The following SND1 variants were observed in gnomAD, a reference collection of about 807,000 sequenced individuals.
The protein encoded by SND1 is staphylococcal nuclease domain-containing protein 1.
SND1 carries 38 observed loss-of-function variants against 121.7 expected under a neutral mutation model. The ratio of observed to expected loss-of-function variants is 0.31; its 90% CI spans 0.24 to 0.41. The LOEUF (loss-of-function observed/expected upper bound fraction) is 0.41. Ranked by LOEUF, SND1 falls within the 10% of genes least tolerant of loss-of-function variation. SND1 has a pLI of 1.00. For synonymous variants in SND1, 401 were observed against 447.4 expected (o/e 0.90, Z 1.31); for missense variants, 868 against 1,184.6 (o/e 0.73, Z 3.92).
intron 14 of SND1, among the ~76,000 whole-genome samples, chr7:127,926,899 A>G (rs1800856045): frequency 6.6e-6 from 1 of 152,064 alleles, no homozygotes; most frequent in East Asian, 1.9e-4. Context: ...CCTGATTTTC[A>G]TAGTTGGCTT....
intron 11 of SND1, among the ~76,000 whole-genome samples, chr7:127,832,836 C>T (rs1798786340): frequency 6.6e-6 from 1 of 152,254 alleles, no homozygotes; most frequent in Non-Finnish European, 1.5e-5. Flanking sequence ...GCTCTGCCTC[C>T]TGTCAGATCA....
intron 12 of SND1, among the ~76,000 whole-genome samples, chr7:127,870,510 T>A (rs1410775874): frequency 6.6e-6 from 1 of 152,220 alleles, no homozygotes; most frequent in East Asian, 1.9e-4. Flanking sequence ...ACACAGAGGC[T>A]GTATGGTATA....
intron 10 of SND1, among the ~76,000 whole-genome samples, chr7:127,770,142 T>C (rs752191486): frequency 1.3e-5 from 2 of 152,194 alleles, no homozygotes; most frequent in Non-Finnish European, 2.9e-5. Flanking sequence ...ACCTGCAGAA[T>C]TGTGTGCACT....
intron 12 of SND1, among the ~76,000 whole-genome samples, chr7:127,849,872 T>C (rs1275997358): frequency 7.2e-6 from 1 of 138,906 alleles, no homozygotes; most frequent in Non-Finnish European, 1.6e-5. Flanking sequence ...GAGACCTTGC[T>C]ATCAGAGGTA....
intron 12 of SND1, among the ~76,000 whole-genome samples, chr7:127,856,197 A>T (rs1269380403): frequency 6.6e-6 from 1 of 152,234 alleles, no homozygotes; most frequent in Non-Finnish European, 1.5e-5. Context: ...ACCATTTAGT[A>T]GGCACACAAT....
chr7:127,977,054 T>G (rs947187573), intron 15 of SND1, among the ~76,000 whole-genome samples: 9 of 152,150 alleles, frequency 5.9e-5, no homozygotes, highest in African/African-American at 2.2e-4. Flanking sequence ...AAGACTGATA[T>G]GCAGTCTCTC....
chr7:127,788,187 A>G (rs1372035659), intron 10 of SND1, among the ~76,000 whole-genome samples: 1 of 152,168 alleles, frequency 6.6e-6, no homozygotes. Flanking sequence ...CTCTTTTTTT[A>G]AACAGAGAAG....
chr7:127,850,970 G>A (rs1799155278), intron 12 of SND1, among the ~76,000 whole-genome samples: 1 of 152,156 alleles, frequency 6.6e-6, no homozygotes, highest in South Asian at 2.1e-4. Context: ...ATTACAGTCA[G>A]GAAAATATTG....
intron 16 of SND1, among the ~76,000 whole-genome samples, chr7:128,016,377 A>C (rs1803225459): frequency 6.6e-6 from 1 of 152,104 alleles, no homozygotes; most frequent in African/African-American, 2.4e-5. Context: ...GTATATTTTT[A>C]ATCTTTAATA....
In SND1 at chr7:128,029,587, C is replaced by T; in HGVS notation, c.1779+38531C>T. On this transcript the variant is annotated intron_variant, in intron 16 of 23. Coordinates refer to ENST00000354725, the MANE Select transcript of SND1 (RefSeq NM_014390.4). The surrounding 1 kb of genome is among the most constrained non-coding windows in gnomAD (Gnocchi z 4.2). ...CGAGGTGCGTCCATGATGAAGGGGG[C>T]AGAGCACTGGAAGGAGGCCTGGTCC... The T allele has an allele frequency of 6.2e-7, 1 of 1,614,012 alleles. No individual in the cohort carries two copies. Among genetic ancestry groups the T allele is most frequent in the Non-Finnish European group, 8.5e-7 (1 of 1,180,020 alleles).
intron 14 of SND1, among the ~76,000 whole-genome samples, chr7:127,921,990 G>GT (rs903932085): frequency 5.3e-5 from 8 of 151,082 alleles, no homozygotes; most frequent in African/African-American, 1.9e-4. Flanking sequence ...GCCTTGCTTT[G>GT]TTTTTTTTAA....
intron 10 of SND1, among the ~76,000 whole-genome samples, chr7:127,752,385 G>A (rs764683600): frequency 6.6e-6 from 1 of 152,218 alleles, no homozygotes; most frequent in Admixed American, 6.5e-5. Context: ...AATACCTATT[G>A]TGTGCCAGCT....
At chr7:127,811,068 T>G (rs934922882) in intron 11 of SND1, among the ~76,000 whole-genome samples, 1 of 152,212 alleles carries the variant, frequency 6.6e-6, no homozygotes, top group African/African-American at 2.4e-5. Flanking sequence ...TTAATGTCCC[T>G]TTTACTATTT....
At chr7:127,702,305 T>C (rs1796118900) in intron 5 of SND1, 130 bp from the exon 6 acceptor site, 2 of 734,816 alleles carry the variant, frequency 2.7e-6, no homozygotes, top group African/African-American at 3.5e-5. Context: ...AGTGCATCCT[T>C]ACTTTTCAGA....
At position 128,091,899 on chromosome 7, in the gene SND1, G is replaced by A. The variant is rs1584784989; in HGVS notation, c.2667+18G>A. 6.2e-7 allele frequency: 1 copy of A among 1,614,142 alleles called. No homozygotes were observed. The highest frequency in any genetic ancestry group is 8.5e-7 in the Non-Finnish European group (1 of 1,179,992). ...GCGCCAGGGTGAGTTCTTACCTTGG[G>A]AGCCCCCAGAGGGTACCGAGTTGAG... On this transcript the variant is annotated intron_variant, in intron 23 of 23. Coordinates refer to ENST00000354725, the MANE Select transcript of SND1 (RefSeq NM_014390.4).
rs147713046 is a variant in SND1 at position 127,928,635 on chromosome 7, TGGA to T, written c.1528-551_1528-549del. Among the ~76,000 whole-genome samples, 888 of 152,122 alleles carry T rather than the reference TGGA, an allele frequency of 5.8e-3. 16 individuals are homozygous for T. The highest frequency in any genetic ancestry group is 0.02 in the African/African-American group (846 of 41,490). Reference sequence around the variant, plus strand: ...AGAGTTTCGCTCTTGTTGCCCAGGTTGGAGTGCAAATGGCACGATTTCAGCTCA... The same window carrying T: ...AGAGTTTCGCTCTTGTTGCCCAGGTTGTGCAAATGGCACGATTTCAGCTCA... On this transcript the variant is annotated intron_variant, in intron 14 of 23. Coordinates refer to ENST00000354725, the MANE Select transcript of SND1 (RefSeq NM_014390.4).
chr7:127,754,594 T>G (rs1797160762), intron 10 of SND1, among the ~76,000 whole-genome samples: 1 of 152,000 alleles, frequency 6.6e-6, no homozygotes, highest in South Asian at 2.1e-4. Context: ...GAGCTGACTC[T>G]GTGATTTCAC....
intron 16 of SND1, among the ~76,000 whole-genome samples, chr7:128,054,836 T>G (rs1372646234): frequency 6.6e-6 from 1 of 152,216 alleles, no homozygotes; most frequent in Non-Finnish European, 1.5e-5. Flanking sequence ...AGTTTGTAAT[T>G]CTGAGGCCGA....
intron 15 of SND1, among the ~76,000 whole-genome samples, chr7:127,933,619 G>A (rs952926477): frequency 7.9e-5 from 12 of 152,152 alleles, no homozygotes; most frequent in East Asian, 5.8e-4. Flanking sequence ...CATGATTGTC[G>A]CAGTTTAATG....
Sources: allele counts gnomAD v4.1 joint callset (sites outside exome capture counted in the v4.1 genomes callset), GRCh38; gene constraint gnomAD v4.1.1; non-coding constraint Gnocchi (gnomAD v3.1); transcripts MANE v1.5; gene names NCBI Gene and HGNC (gene_info 2026-07-23, HGNC 2026-07-21).